PLB1: variants seen among roughly 807,000 people sequenced by gnomAD.
PLB1 encodes phospholipase B1, also known as phospholipase B1, membrane-associated.
A neutral mutation model predicts 227.4 loss-of-function variants in PLB1; 242 were observed. That is an observed-to-expected ratio of 1.06 (90% confidence interval 0.96 to 1.18). PLB1 has a LOEUF of 1.18. PLB1 is among the 50% of genes most tolerant of loss of function. The pLI is 0.00. For missense variants in PLB1, 1,858 were observed against 1,816.3 expected, an observed-to-expected ratio of 1.02 and a Z score of -0.42; for synonymous variants, 757 against 682.2, an observed-to-expected ratio of 1.11 and a Z score of -1.71.
At chr2:28,558,621 A>G (rs1675531915) in intron 17 of PLB1, among the ~76,000 whole-genome samples, 1 of 152,134 alleles carries the variant, frequency 6.6e-6, no homozygotes, top group South Asian at 2.1e-4. Flanking sequence ...GGCTGGGAAG[A>G]GCCAAGCAGG....
chr2:28,600,732 C>G lies in PLB1; in HGVS notation c.2475-77C>G, dbSNP rs1159918247. 3 of 1,421,080 alleles carry G rather than the reference C, an allele frequency of 2.1e-6. No individual in the cohort carries two copies. In the African/African-American group the frequency reaches 4.3e-5, roughly 20 times the overall value. 88.0% of individuals were successfully genotyped at this position (1,421,080 alleles called of 1,614,324 possible). ...GCAGTGGGGATGATACTGTAGAAGC[C>G]TCTGGTTCAGGCCCTCTAGGAGGAA... is the stretch of plus-strand genomic sequence containing the variant. On this transcript the variant is annotated intron_variant, in intron 35 of 57. Coordinates refer to ENST00000327757, the MANE Select transcript of PLB1 (RefSeq NM_153021.5).
At chr2:28,535,243 A>G (rs1671530011) in intron 9 of PLB1, among the ~76,000 whole-genome samples, 1 of 152,282 alleles carries the variant, frequency 6.6e-6, no homozygotes, top group Non-Finnish European at 1.5e-5. Context: ...CCATAAATTT[A>G]GCTAATTACA....
At chr2:28,591,263 G>T in intron 30 of PLB1, 92 bp downstream of exon 30, 1 of 1,527,970 alleles carries the variant, frequency 6.5e-7, no homozygotes, top group South Asian at 1.1e-5. Flanking sequence ...GTGGGAAAGC[G>T]GGCAAGAGTT....
At chr2:28,615,586 T>A (rs931318211) in intron 44 of PLB1, among the ~76,000 whole-genome samples, 2 of 152,246 alleles carry the variant, frequency 1.3e-5, no homozygotes, top group Non-Finnish European at 2.9e-5. Flanking sequence ...CTCTCTGAAT[T>A]TTCTCAGGCT....
In PLB1 at chr2:28,552,446, T is replaced by C. The variant is rs947946461; in HGVS notation, c.1084-482T>C. 9.9e-5 allele frequency among the ~76,000 whole-genome samples: 15 copies of C among 152,258 alleles called. No individual in the cohort carries two copies. The East Asian group carries it at 1.3e-3, about 14-fold the overall frequency. On this transcript the variant is annotated intron_variant, in intron 16 of 57. Transcript: ENST00000327757. ...GAAGTTAATATGGTGTAGTAACTTATTTGTTCAACTAACAAATACTTGTTG... is the reference window on the plus strand; with the variant it reads ...GAAGTTAATATGGTGTAGTAACTTACTTGTTCAACTAACAAATACTTGTTG...
chr2:28,538,449 G>T, intron 10 of PLB1, 68 bp downstream of exon 10: 1 of 1,462,276 alleles, frequency 6.8e-7, no homozygotes, highest in Admixed American at 1.8e-5. Flanking sequence ...GGCCTCCACC[G>T]GGGTGGGGAA....
chr2:28,609,437 A>G (rs191622614), intron 43 of PLB1, among the ~76,000 whole-genome samples: 247 of 152,104 alleles, frequency 1.6e-3, no homozygotes, highest in African/African-American at 5.5e-3. Flanking sequence ...AGATTAATGT[A>G]TGATCAAGCA....
intron 33 of PLB1, among the ~76,000 whole-genome samples, chr2:28,596,456 C>T (rs1256738123): frequency 6.6e-6 from 1 of 152,142 alleles, no homozygotes; most frequent in Non-Finnish European, 1.5e-5. Flanking sequence ...AATGAAGATA[C>T]CTTTAAACAA....
intron 49 of PLB1, among the ~76,000 whole-genome samples, chr2:28,623,695 A>G (rs7604903): frequency 0.43 from 65,909 of 151,862 alleles, 14,960 homozygotes; most frequent in East Asian, 0.9. Flanking sequence ...GGCTTCTTCC[A>G]TGGACACTTT....
At chr2:28,542,056 C>G (rs1430507053) in intron 13 of PLB1, among the ~76,000 whole-genome samples, 2 of 151,822 alleles carry the variant, frequency 1.3e-5, no homozygotes, top group African/African-American at 2.4e-5. Flanking sequence ...TCGCTTGAAC[C>G]TGGGAGGCAG....
intron 17 of PLB1, 82 bp downstream of exon 17, chr2:28,553,073 A>G: frequency 8.1e-7 from 1 of 1,229,390 alleles, no homozygotes; most frequent in East Asian, 2.3e-5. Context: ...ATAACCTGAA[A>G]TACTCCCGAG....
rs374520774 is a variant in PLB1, at chr2:28,594,016, C to G, written c.2321+262C>G. ...TTATCAGACTCCTGGGTCAGCAAAT[C>G]CAACAGGAAATGCACCAGAAAAGCA... On this transcript the variant is annotated intron_variant, in intron 33 of 57. Coordinates refer to ENST00000327757, the MANE Select transcript of PLB1 (RefSeq NM_153021.5). 1.6e-4 allele frequency: 119 copies of G among 723,450 alleles called. No homozygotes were observed. In the East Asian group the frequency reaches 2.8e-3, roughly 17 times the overall value. The allele number at this position is 723,450 out of a possible 1,614,324, so 44.8% of individuals were successfully genotyped here. A position where few individuals can be genotyped will look rare whatever the true frequency, so the allele number is the denominator to read the frequency against.
In PLB1 at chr2:28,541,664, C is replaced by T. The variant is rs149725353; in HGVS notation, c.775-43C>T. 1,336 of 1,510,396 alleles carry T rather than the reference C, an allele frequency of 8.8e-4. 7 individuals carry two copies. Among genetic ancestry groups the T allele is most frequent in the Middle Eastern group, 6.3e-3 (37 of 5,868 alleles). The allele number at this position is 1,510,396 out of a possible 1,614,324, so 93.6% of individuals were successfully genotyped here. A position where few individuals can be genotyped will look rare whatever the true frequency, so the allele number is the denominator to read the frequency against. On this transcript the variant is annotated intron_variant, in intron 12 of 57. Coordinates refer to ENST00000327757, the MANE Select transcript of PLB1 (RefSeq NM_153021.5). ...GTCAGGTCTGGGGCCGGCTCTGCCT[C>T]GCTCATGTTCCTGGATGGGCACCTC...
rs374944488 is a variant in PLB1, at chr2:28,603,953, C to G, written c.2775-13C>G. 6.2e-6 allele frequency: 10 copies of G among 1,613,634 alleles called. No individual in the cohort carries two copies. The highest frequency in any genetic ancestry group is 3.3e-5 in the South Asian group (3 of 91,078). On this transcript the variant is annotated splice_polypyrimidine_tract_variant and intron_variant, in intron 39 of 57. Transcript: ENST00000327757. The stretch of plus-strand genomic sequence containing the variant: ...TGAGCTCTGGGGCCTCCTGCCTCCC[C>G]CTCTTTGTGCAGCGTTTTGTGTAAC...
At chr2:28,621,460 G>T (rs1382236362) in intron 49 of PLB1, among the ~76,000 whole-genome samples, 1 of 152,160 alleles carries the variant, frequency 6.6e-6, no homozygotes, top group Non-Finnish European at 1.5e-5. Flanking sequence ...CTCTGAAAAA[G>T]CTATATTCTG....
intron 44 of PLB1, among the ~76,000 whole-genome samples, chr2:28,614,746 T>C (rs1685955034): frequency 6.6e-6 from 1 of 152,158 alleles, no homozygotes; most frequent in Non-Finnish European, 1.5e-5. Flanking sequence ...TTCACACCTA[T>C]ATTATATCCA....
chr2:28,625,450 A>AT (rs1316579846), intron 50 of PLB1, among the ~76,000 whole-genome samples: 1 of 152,074 alleles, frequency 6.6e-6, no homozygotes, highest in Non-Finnish European at 1.5e-5. Context: ...TAGGCTTCTC[A>AT]TTCCAATCCA....
At chr2:28,582,634 C>A in intron 25 of PLB1, 129 bp downstream of exon 25, 1 of 697,534 alleles carries the variant, frequency 1.4e-6, no homozygotes, top group Non-Finnish European at 2.4e-6. Context: ...CATCTTCTAA[C>A]CTGGAAAAGC....
intron 9 of PLB1, among the ~76,000 whole-genome samples, chr2:28,535,884 C>T (rs1253390698): frequency 6.6e-6 from 1 of 152,110 alleles, no homozygotes; most frequent in African/African-American, 2.4e-5. Context: ...CATGCCACTG[C>T]ACTCTAGCCT....
Sources: allele counts gnomAD v4.1 joint callset (sites outside exome capture counted in the v4.1 genomes callset), GRCh38; gene constraint gnomAD v4.1.1; transcripts MANE v1.5; gene names NCBI Gene and HGNC (gene_info 2026-07-23, HGNC 2026-07-21).